The following ACADM variants were observed in gnomAD, a reference collection of about 807,000 sequenced individuals.
ACADM encodes medium-chain specific acyl-CoA dehydrogenase, mitochondrial.
A neutral mutation model predicts 58.9 loss-of-function variants in ACADM; 49 were observed. The ratio of observed to expected loss-of-function variants is 0.83; its 90% CI spans 0.66 to 1.06. The LOEUF is 1.06. ACADM is among the 50% of genes least tolerant of loss of function. The pLI is 0.00. For synonymous variants in ACADM, 160 were observed against 157.7 expected, an observed-to-expected ratio of 1.01 and a Z score of -0.11; for missense variants, 496 against 507.0, an observed-to-expected ratio of 0.98 and a Z score of 0.21.
chr1:75,760,699 A>G (rs1176292669), intron 10 of ACADM, among the ~76,000 whole-genome samples: 1 of 152,092 alleles, frequency 6.6e-6, no homozygotes, highest in Non-Finnish European at 1.5e-5. Context: ...GGGAAAGAAT[A>G]AGAAGAAATA....
chr1:75,752,139 T>C (rs945863498), intron 10 of ACADM, among the ~76,000 whole-genome samples: 19 of 151,968 alleles, frequency 1.3e-4, no homozygotes, highest in African/African-American at 4.6e-4. Flanking sequence ...CACACTACCA[T>C]GCCTGCCTAA....
chr1:75,754,757 G>A lies in ACADM; in HGVS notation c.945+4211G>A, dbSNP rs569265134. Reference sequence around the variant, plus strand: ...TGAGGTACCGGGTTCATCTCACTGGGATTTGTCGTACAGTGGGCGCAGCCC... The same window carrying A: ...TGAGGTACCGGGTTCATCTCACTGGAATTTGTCGTACAGTGGGCGCAGCCC... On this transcript the variant is annotated intron_variant, in intron 10 of 11. Transcript: ENST00000370841. 4.8e-3 allele frequency among the ~76,000 whole-genome samples: 725 copies of A among 152,336 alleles called. 2 individuals carry two copies. Among genetic ancestry groups the A allele is most frequent in the Non-Finnish European group, 8.5e-3 (581 of 68,034 alleles).
chr1:75,751,680 G>A (rs1648213743), intron 10 of ACADM, among the ~76,000 whole-genome samples: 1 of 151,888 alleles, frequency 6.6e-6, no homozygotes, highest in South Asian at 2.1e-4. Context: ...GATATTTTTA[G>A]TAGAGATGGG....
intron 6 of ACADM, 79 bp from the exon 7 acceptor site, chr1:75,739,901 T>TA: frequency 9.4e-7 from 1 of 1,059,750 alleles, no homozygotes; most frequent in Non-Finnish European, 1.3e-6. Context: ...GCTTAAAAAA[T>TA]AAAACAATCC....
intron 10 of ACADM, among the ~76,000 whole-genome samples, chr1:75,760,416 T>A (rs1436348930): frequency 3.4e-5 from 5 of 147,158 alleles, no homozygotes; most frequent in African/African-American, 1.3e-4. Context: ...AGTGAAACTT[T>A]GTCTCAGAAA....
chr1:75,726,247 A>C (rs950367597), intron 1 of ACADM, among the ~76,000 whole-genome samples: 34 of 152,076 alleles, frequency 2.2e-4, no homozygotes, highest in African/African-American at 8.0e-4. Flanking sequence ...GTCTTTACTA[A>C]AAATAGGAAA....
chr1:75,734,335 T>C (rs2030067), intron 5 of ACADM, among the ~76,000 whole-genome samples: 53 of 137,448 alleles, frequency 3.9e-4, no homozygotes, highest in African/African-American at 1.8e-3. Context: ...GGCTAATTTT[T>C]TTTTTTTTTT....
At chr1:75,756,882 A>G (rs1208362040) in intron 10 of ACADM, among the ~76,000 whole-genome samples, 1 of 152,228 alleles carries the variant, frequency 6.6e-6, no homozygotes, top group African/African-American at 2.4e-5. Context: ...ATGGAACAGA[A>G]TAGAGCCCTT....
At chr1:75,733,362 A>G (rs984536487) in intron 4 of ACADM, 166 bp from the exon 5 acceptor site, 1 of 980,956 alleles carries the variant, frequency 1.0e-6, no homozygotes, top group Non-Finnish European at 1.5e-6. Flanking sequence ...AGCTTTAAGA[A>G]AGTATAATTT....
In ACADM at chr1:75,741,460, C is replaced by T. The variant is rs540955940; in HGVS notation, c.599+1350C>T. Among the ~76,000 whole-genome samples the T allele has an allele frequency of 1.1e-4, 16 of 152,206 alleles. No individual in the cohort carries two copies. In the South Asian group the frequency reaches 1.5e-3, roughly 14 times the overall value. Reference sequence around the variant, plus strand: ...ATCTAACAATGCAGTTTGAAGTTTTCGTAATTTTAAAAACGGATTAGCCAG... The same window carrying T: ...ATCTAACAATGCAGTTTGAAGTTTTTGTAATTTTAAAAACGGATTAGCCAG... On this transcript the variant is annotated intron_variant, in intron 7 of 11. Coordinates refer to ENST00000370841, the MANE Select transcript of ACADM (RefSeq NM_000016.6).
chr1:75,741,849 C>A (rs910336491), intron 7 of ACADM, among the ~76,000 whole-genome samples: 1 of 152,088 alleles, frequency 6.6e-6, no homozygotes, highest in African/African-American at 2.4e-5. Context: ...TAGACAGATG[C>A]TTGGATATTT....
At chr1:75,734,024 C>T (rs1222202164) in intron 5 of ACADM, among the ~76,000 whole-genome samples, 2 of 152,082 alleles carry the variant, frequency 1.3e-5, no homozygotes, top group Non-Finnish European at 2.9e-5. Flanking sequence ...CTCACTCTGT[C>T]GCCCAGGCTG....
chr1:75,727,812 G>T (rs1647079509), intron 1 of ACADM, among the ~76,000 whole-genome samples: 2 of 152,104 alleles, frequency 1.3e-5, no homozygotes, highest in South Asian at 4.2e-4. Context: ...TGGCTGCACT[G>T]GTTTGGTGAC....
intron 10 of ACADM, chr1:75,750,875 A>G: frequency 2.6e-6 from 1 of 383,014 alleles, no homozygotes; most frequent in South Asian, 2.2e-5. Flanking sequence ...CAGCCTCCCA[A>G]GTAGTGGGAA....
chr1:75,732,979 AACTCT>A (rs1187202736), intron 4 of ACADM, 57 bp downstream of exon 4: 38 of 1,613,004 alleles, frequency 2.4e-5, no homozygotes, highest in Admixed American at 1.2e-4. Context: ...AAAATTGTGG[AACTCT>A]ACTCAGTCAT....
In ACADM at chr1:75,744,030, T is replaced by C. The variant is rs1008792908; in HGVS notation, c.600-1776T>C. 6 of 1,580,108 alleles carry C rather than the reference T, an allele frequency of 3.8e-6. No individual in the cohort carries two copies. The African/African-American group carries it at 5.4e-5, about 14-fold the overall frequency. ...TACTCACATCAATCTCATTAAAAAT[T>C]GTCAGCATTGGCACATGTATTCTGG... is the stretch of plus-strand genomic sequence containing the variant. On this transcript the variant is annotated intron_variant, in intron 7 of 11. Transcript: ENST00000370841.
chr1:75,745,539 T>C (rs929343912), intron 7 of ACADM: 1 of 437,088 alleles, frequency 2.3e-6, no homozygotes, highest in East Asian at 4.5e-5. Context: ...TCATATATAC[T>C]GTACTGCGGG....
At chr1:75,726,849 G>A (rs538595029) in intron 1 of ACADM, among the ~76,000 whole-genome samples, 221 of 142,530 alleles carry the variant, frequency 1.6e-3, no homozygotes, top group African/African-American at 5.7e-3. Context: ...CTGTCACCCA[G>A]GCTGGAATGC....
intron 7 of ACADM, chr1:75,745,491 A>T (rs545617775): frequency 4.1e-4 from 116 of 280,700 alleles, no homozygotes; most frequent in African/African-American, 2.5e-3. Context: ...GTCTAAAAAA[A>T]AAAAGTTATG....
Sources: allele counts gnomAD v4.1 joint callset (sites outside exome capture counted in the v4.1 genomes callset), GRCh38; gene constraint gnomAD v4.1.1; transcripts MANE v1.5; gene names NCBI Gene and HGNC (gene_info 2026-07-23, HGNC 2026-07-21).